PIGM: variants seen among roughly 807,000 people sequenced by gnomAD.
PIGM encodes phosphatidylinositol glycan anchor biosynthesis class M, also known as GPI alpha-1,4-mannosyltransferase I, catalytic subunit.
Under a neutral mutation model 14.6 loss-of-function variants are expected in PIGM, and 7 were observed. That is an observed-to-expected ratio of 0.48 (90% confidence interval 0.27 to 0.90). The LOEUF (loss-of-function observed/expected upper bound fraction) is 0.90. Among genes scored for constraint, PIGM ranks in the 40% least tolerant of loss-of-function variants. PIGM has a pLI of 0.12. For missense variants in PIGM, 506 were observed against 516.2 expected (o/e 0.98, Z 0.19); for synonymous variants, 216 against 215.9 (o/e 1.00, Z 0.00).
Position 160,031,646 on chromosome 1 carries a change from G to A in PIGM, c.94C>T (p.Leu32=). 6.2e-7 allele frequency: 1 copy of A among 1,614,166 alleles called. No homozygotes were observed. Among genetic ancestry groups the A allele is most frequent in the Non-Finnish European group, 8.5e-7 (1 of 1,180,038 alleles). The change falls in exon 1 of 1, where the codon CTG becomes TTG. Residue 32 remains leucine (L), a synonymous_variant. Transcript: ENST00000368090. ...FGVAFLARVA[L]VFYGVFQDRT... ...TCCTGGAAGACGCCATAGAAAACCA[G>A]GGCGACTCTGGCTAGAAAGGCCACA...
At position 160,031,188 on chromosome 1, in the gene PIGM, C is replaced by T. The variant is rs749680108; in HGVS notation, c.552G>A (p.Val184=). 3 of 1,614,116 alleles carry T rather than the reference C, an allele frequency of 1.9e-6. No homozygotes were observed. The highest frequency in any genetic ancestry group is 1.7e-6 in the Non-Finnish European group (2 of 1,180,032). Residue 184 remains valine (V), a synonymous_variant, in exon 1 of 1, where the codon GTG becomes GTA. Transcript: ENST00000368090. ...GGAGGGTTATGGGAAGGATGTAAGT[C>T]ACTGGATATATCTTCATATGCACCG... is the stretch of plus-strand genomic sequence containing the variant. ...GFAVHMKIYP[V]TYILPITLHL... is the part of the protein sequence containing the mutation.
Sources: allele counts gnomAD v4.1 joint callset, GRCh38; gene constraint gnomAD v4.1.1; transcripts MANE v1.5; gene names NCBI Gene and HGNC (gene_info 2026-07-23, HGNC 2026-07-21).